GMEB1: variants seen among roughly 807,000 people sequenced by gnomAD.
The protein encoded by GMEB1 is glucocorticoid modulatory element binding protein 1.
In GMEB1, 6 loss-of-function variants were observed where a neutral mutation model predicts 52.4. The observed-to-expected ratio is 0.11, with a 90% CI of 0.06 to 0.23. The LOEUF is 0.23. Ranked by LOEUF, GMEB1 falls within the 10% of genes least tolerant of loss-of-function variation. The probability of loss-of-function intolerance (pLI) is 1.00; values close to 1 mark genes in which losing one functional copy is unlikely to be tolerated. For synonymous variants in GMEB1, 255 were observed against 244.9 expected (o/e 1.04, Z -0.38); for missense variants, 486 against 685.6 (o/e 0.71, Z 3.25).
At chr1:28,704,370 T>TA in intron 8 of GMEB1, 41 bp downstream of exon 8, 1 of 1,567,662 alleles carries the variant, frequency 6.4e-7, no homozygotes, top group Non-Finnish European at 8.7e-7. Context: ...ATTTATTGAA[T>TA]ACTCACCTCC....
intron 2 of GMEB1, among the ~76,000 whole-genome samples, chr1:28,686,977 G>A (rs1045990026): frequency 7.9e-5 from 12 of 152,064 alleles, no homozygotes; most frequent in Non-Finnish European, 1.6e-4. Flanking sequence ...CACAAAGGAG[G>A]AAGTAAGTGA....
intron 5 of GMEB1, among the ~76,000 whole-genome samples, chr1:28,696,044 G>GTTTATTTATTTATTTA (rs1174545089): frequency 3.7e-5 from 2 of 54,658 alleles, no homozygotes; most frequent in Non-Finnish European, 3.8e-5. Context: ...TATTTTTATT[G>GTTTATTTATTTATTTA]TTTGTTTATT....
At chr1:28,674,401 T>C (rs1669043693) in intron 1 of GMEB1, among the ~76,000 whole-genome samples, 1 of 152,052 alleles carries the variant, frequency 6.6e-6, no homozygotes, top group Non-Finnish European at 1.5e-5. Context: ...TTTATTTATT[T>C]ATTTATTTAT....
At chr1:28,682,792 A>C (rs1424626180) in intron 1 of GMEB1, among the ~76,000 whole-genome samples, 4 of 152,260 alleles carry the variant, frequency 2.6e-5, no homozygotes, top group African/African-American at 9.6e-5. Context: ...GGCTGTTTGC[A>C]CAGAAAGTAG....
At chr1:28,673,791 A>G (rs1669010545) in intron 1 of GMEB1, among the ~76,000 whole-genome samples, 1 of 152,014 alleles carries the variant, frequency 6.6e-6, no homozygotes, top group Admixed American at 6.6e-5. Flanking sequence ...AGGTGAGAGG[A>G]TTGCTTGAGC....
At position 28,691,677 on chromosome 1, in the gene GMEB1, G is replaced by A; in HGVS notation, c.304G>A (p.Val102Ile). 6.3e-7 allele frequency: 1 copy of A among 1,580,916 alleles called. No individual in the cohort carries two copies. The highest frequency in any genetic ancestry group is 1.2e-5 in the South Asian group (1 of 86,670). Residue 102 changes from valine to isoleucine, a missense_variant, in exon 4 of 10, where the codon GTA (valine) becomes ATA (isoleucine). Val to Ile is a conservative substitution (Grantham distance 29, BLOSUM62 3). Coordinates refer to ENST00000373816, the MANE Select transcript of GMEB1 (RefSeq NM_001319674.2). ...AGCCATCCTCCTCTGGAAGAAGTTT[G>A]TATGTCCAGGAATAAACGTGAAGTG... Reference protein sequence around the residue: ...SKAILLWKKFVCPGINVKCVK... With the variant: ...SKAILLWKKFICPGINVKCVK...
At chr1:28,706,879 C>A (rs1670799241) in intron 8 of GMEB1, among the ~76,000 whole-genome samples, 1 of 151,138 alleles carries the variant, frequency 6.6e-6, no homozygotes, top group Non-Finnish European at 1.5e-5. Flanking sequence ...GTTGGCCAGG[C>A]TCGTCCTGAA....
At chr1:28,674,149 G>GAA (rs747433826) in intron 1 of GMEB1, among the ~76,000 whole-genome samples, 79 of 124,148 alleles carry the variant, frequency 6.4e-4, no homozygotes, top group African/African-American at 2.1e-3. Context: ...GACTCCGTCT[G>GAA]AAAAAAAAAA....
At chr1:28,690,874 A>G (rs1252914477) in intron 3 of GMEB1, among the ~76,000 whole-genome samples, 1 of 151,966 alleles carries the variant, frequency 6.6e-6, no homozygotes, top group Non-Finnish European at 1.5e-5. Flanking sequence ...CCAGTTACTC[A>G]GGAGACTGAG....
chr1:28,689,402 G>A (rs371026237), intron 2 of GMEB1, among the ~76,000 whole-genome samples: 2 of 151,984 alleles, frequency 1.3e-5, no homozygotes, highest in Non-Finnish European at 2.9e-5. Context: ...CGAGGCAGGC[G>A]GATCACGAGG....
chr1:28,687,167 C>T (rs1006386801), intron 2 of GMEB1, among the ~76,000 whole-genome samples: 1 of 151,356 alleles, frequency 6.6e-6, no homozygotes, highest in African/African-American at 2.4e-5. Context: ...AAGACCCTGT[C>T]TCTATAAAAA....
At position 28,691,582 on chromosome 1, in the gene GMEB1, C is replaced by A; in HGVS notation, c.212-3C>A. On this transcript the variant is annotated splice_region_variant and splice_polypyrimidine_tract_variant and intron_variant, in intron 3 of 9. Coordinates refer to ENST00000373816, the MANE Select transcript of GMEB1 (RefSeq NM_001319674.2). ...AAATAACTGATATTTTTTCTGTTTT[C>A]AGATACAGGCACTATAGAAGCAAAT... 6.6e-7 allele frequency: 1 copy of A among 1,523,858 alleles called. No homozygotes were observed. Among genetic ancestry groups the A allele is most frequent in the Non-Finnish European group, 8.9e-7 (1 of 1,122,652 alleles). 94.4% of individuals were successfully genotyped at this position (1,523,858 alleles called of 1,614,324 possible).
intron 1 of GMEB1, among the ~76,000 whole-genome samples, chr1:28,672,736 C>T (rs1264810203): frequency 4.2e-5 from 5 of 119,728 alleles, no homozygotes; most frequent in Admixed American, 2.1e-4. Context: ...CATATTGTTC[C>T]TTTTTTTTTT....
In GMEB1 at chr1:28,718,462, T is replaced by TGTG. The variant is rs1671325700; in HGVS notation, c.*3691_*3693dup. ...AAAAATGTAAAAATTAGTCAAGTCT[T>TGTG]GTGGCTCGCACTTGTAGACACAATT... On this transcript the variant is annotated 3_prime_UTR_variant, in exon 10 of 10. Coordinates refer to ENST00000373816, the MANE Select transcript of GMEB1 (RefSeq NM_001319674.2). 6.6e-6 allele frequency: 1 copy of TGTG among 152,148 alleles called. No homozygotes were observed. Among genetic ancestry groups the TGTG allele is most frequent in the Non-Finnish European group, 1.5e-5 (1 of 68,036 alleles). 9.4% of individuals were successfully genotyped at this position (152,148 alleles called of 1,614,324 possible).
chr1:28,692,561 C>T lies in GMEB1; in HGVS notation c.337-381C>T, dbSNP rs79066150. ...AAAAAAAAATTATTAGATTGACTAGCCAAAAAAATACATGATTGATAAAAA... is the reference window on the plus strand; with the variant it reads ...AAAAAAAAATTATTAGATTGACTAGTCAAAAAAATACATGATTGATAAAAA... On this transcript the variant is annotated intron_variant, in intron 4 of 9. Coordinates refer to ENST00000373816, the MANE Select transcript of GMEB1 (RefSeq NM_001319674.2). 2.6e-3 allele frequency among the ~76,000 whole-genome samples: 390 copies of T among 151,742 alleles called. 1 individual carries two copies. Among genetic ancestry groups the T allele is most frequent in the African/African-American group, 9.2e-3 (380 of 41,366 alleles).
intron 5 of GMEB1, among the ~76,000 whole-genome samples, chr1:28,695,387 C>T (rs1670154266): frequency 6.6e-6 from 1 of 151,668 alleles, no homozygotes; most frequent in Admixed American, 6.6e-5. Flanking sequence ...CATGCGTCAC[C>T]ATGCCTGGCT....
chr1:28,697,791 G>C (rs1057125558), intron 6 of GMEB1, among the ~76,000 whole-genome samples: 11 of 152,204 alleles, frequency 7.2e-5, no homozygotes, highest in Admixed American at 7.2e-4. Context: ...GCTAGGCGTG[G>C]TGGCTGACGC....
intron 4 of GMEB1, among the ~76,000 whole-genome samples, chr1:28,692,549 T>G (rs1302941246): frequency 1.3e-5 from 2 of 151,684 alleles, no homozygotes; most frequent in Non-Finnish European, 2.9e-5. Context: ...AAAAAATTAT[T>G]AGATTGACTA....
intron 1 of GMEB1, among the ~76,000 whole-genome samples, chr1:28,672,829 T>A (rs1323155466): frequency 6.9e-6 from 1 of 144,568 alleles, no homozygotes; most frequent in Non-Finnish European, 1.5e-5. Flanking sequence ...AACCTCCTCC[T>A]CCTGGGTTCA....
Sources: allele counts gnomAD v4.1 joint callset (sites outside exome capture counted in the v4.1 genomes callset), GRCh38; gene constraint gnomAD v4.1.1; transcripts MANE v1.5; gene names NCBI Gene and HGNC (gene_info 2026-07-23, HGNC 2026-07-21).